Variants in CDC123 observed in about 807,000 individuals in gnomAD.
CDC123 encodes the protein cell division cycle 123.
In CDC123, 37 loss-of-function variants were observed where a neutral mutation model predicts 54.4. The ratio of observed to expected loss-of-function variants is 0.68; its 90% CI spans 0.52 to 0.89. The LOEUF (loss-of-function observed/expected upper bound fraction) is 0.89. Among genes scored for constraint, CDC123 ranks in the 40% least tolerant of loss-of-function variants. The pLI, the probability that CDC123 is intolerant of heterozygous loss-of-function variation, is 0.00. For missense variants in CDC123, 361 were observed against 412.1 expected, an observed-to-expected ratio of 0.88 and a Z score of 1.07; for synonymous variants, 144 against 136.8, an observed-to-expected ratio of 1.05 and a Z score of -0.37.
intron 2 of CDC123, among the ~76,000 whole-genome samples, chr10:12,205,166 C>A (rs890383828): frequency 1.3e-5 from 2 of 152,012 alleles, no homozygotes; most frequent in Non-Finnish European, 1.5e-5. Context: ...TAAGTGAAAA[C>A]GTGGTGTTTG....
At chr10:12,247,717 C>G (rs578186813) in intron 11 of CDC123, 1 of 152,390 alleles carries the variant, frequency 6.6e-6, no homozygotes, top group Admixed American at 6.5e-5. Context: ...GCCAGACTTT[C>G]CTGAAACAAC....
intron 6 of CDC123, 86 bp downstream of exon 6, chr10:12,217,553 A>G (rs1169630342): frequency 4.5e-6 from 6 of 1,333,934 alleles, no homozygotes; most frequent in Non-Finnish European, 6.1e-6. Context: ...TTATAGTACT[A>G]TTATAAATCA....
intron 6 of CDC123, among the ~76,000 whole-genome samples, chr10:12,229,214 G>C (rs924401260): frequency 6.6e-6 from 1 of 152,224 alleles, no homozygotes; most frequent in African/African-American, 2.4e-5. Flanking sequence ...TAGTGATATA[G>C]ATGCGTTTTT....
rs1380687691 is a variant in CDC123, at chr10:12,249,631, C to G, written c.897C>G (p.Ser299Arg). ...CTNSEVTVQP[S>R]PYLSYRLPKD... Reference sequence around the variant, plus strand: ...ACAGTGAAGTGACAGTCCAGCCCAGCCCCTATTTGAGTTACCGGCTACCCA... The same window carrying G: ...ACAGTGAAGTGACAGTCCAGCCCAGGCCCTATTTGAGTTACCGGCTACCCA... The change falls in exon 12 of 13, where the codon AGC becomes AGG. Residue 299 changes from serine to arginine, a missense_variant. Ser to Arg is a moderately radical substitution (Grantham distance 110). Transcript: ENST00000281141. 6.2e-7 allele frequency: 1 copy of G among 1,614,182 alleles called. No individual in the cohort carries two copies. Among genetic ancestry groups the G allele is most frequent in the Admixed American group, 1.7e-5 (1 of 60,010 alleles).
At chr10:12,210,154 A>G in intron 3 of CDC123, 130 bp downstream of exon 3, 3 of 1,439,146 alleles carry the variant, frequency 2.1e-6, no homozygotes, top group African/African-American at 1.4e-5. Flanking sequence ...TTACTTTGAC[A>G]TATATTTTCA....
chr10:12,203,934 A>G (rs1399976882), intron 2 of CDC123, among the ~76,000 whole-genome samples: 1 of 151,978 alleles, frequency 6.6e-6, no homozygotes, highest in East Asian at 1.9e-4. Flanking sequence ...CTCTACAAAA[A>G]AATAAGAAAT....
At chr10:12,226,212 C>A (rs1331018353) in intron 6 of CDC123, among the ~76,000 whole-genome samples, 1 of 151,812 alleles carries the variant, frequency 6.6e-6, no homozygotes, top group East Asian at 1.9e-4. Context: ...CCCCACACTT[C>A]CCCCCCTTCC....
chr10:12,215,062 G>T (rs1241685007), intron 4 of CDC123, among the ~76,000 whole-genome samples: 1 of 152,030 alleles, frequency 6.6e-6, no homozygotes, highest in Non-Finnish European at 1.5e-5. Context: ...TTAAGTTCCT[G>T]TTTAACAGCA....
rs540860857 is a variant in CDC123, at chr10:12,204,763, G to A, written c.147-5204G>A. Among the ~76,000 whole-genome samples, 4 of 152,128 alleles carry A rather than the reference G, an allele frequency of 2.6e-5. No individual in the cohort carries two copies. In the East Asian group the frequency reaches 7.7e-4, roughly 29 times the overall value. ...TTCCAGCACTTTTGGAGGCTCAGGT[G>A]GGCAGATCACCTGAGGTCAGGAGTT... is the stretch of plus-strand genomic sequence containing the variant. On this transcript the variant is annotated intron_variant, in intron 2 of 12. Transcript: ENST00000281141.
At chr10:12,232,826 C>T (rs1835919467) in intron 7 of CDC123, among the ~76,000 whole-genome samples, 1 of 151,890 alleles carries the variant, frequency 6.6e-6, no homozygotes, top group East Asian at 1.9e-4. Flanking sequence ...CTCTGTCACC[C>T]AGGCTGGAGT....
intron 2 of CDC123, among the ~76,000 whole-genome samples, chr10:12,206,851 C>T (rs561061687): frequency 6.7e-6 from 1 of 150,344 alleles, no homozygotes; most frequent in East Asian, 2.0e-4. Flanking sequence ...CCCAGCTACT[C>T]GGGAGGCTGA....
chr10:12,197,468 C>T (rs1835373993), intron 1 of CDC123, among the ~76,000 whole-genome samples: 2 of 142,972 alleles, frequency 1.4e-5, no homozygotes, highest in African/African-American at 5.2e-5. Context: ...GCTTCCCTTC[C>T]CGAGTTCACG....
chr10:12,246,491 T>C (rs954362459), intron 11 of CDC123: 5 of 457,490 alleles, frequency 1.1e-5, no homozygotes, highest in African/African-American at 9.9e-5. Flanking sequence ...ATCTGATCAG[T>C]TTTTTTAGTT....
At chr10:12,218,935 A>T (rs1158796089) in intron 6 of CDC123, among the ~76,000 whole-genome samples, 1 of 152,186 alleles carries the variant, frequency 6.6e-6, no homozygotes, top group African/African-American at 2.4e-5. Context: ...TTCCTGTTGC[A>T]TCTTAAACAG....
At position 12,230,026 on chromosome 10, in the gene CDC123, C is replaced by A. The variant is rs139795710; in HGVS notation, c.441-922C>A. On this transcript the variant is annotated intron_variant, in intron 6 of 12. Transcript: ENST00000281141. ...GACAGTTTGAGTCTTGTTGTGGCCA[C>A]TAAATTTGGTCTTTTCTGGGTGTTA... Among the ~76,000 whole-genome samples, 765 of 152,226 alleles carry A rather than the reference C, an allele frequency of 5.0e-3. 8 individuals carry two copies. The highest frequency in any genetic ancestry group is 5.4e-3 in the Non-Finnish European group (365 of 68,024).
In CDC123 at chr10:12,217,452, G is replaced by A. The variant is rs752610319; in HGVS notation, c.425G>A (p.Arg142His). 1.4e-5 allele frequency: 23 copies of A among 1,613,668 alleles called. No homozygotes were observed. The highest frequency in any genetic ancestry group is 1.5e-5 in the Non-Finnish European group (18 of 1,179,822). The change falls in exon 6 of 13, where the codon CGT becomes CAT. Residue 142 changes from arginine to histidine, a missense_variant. Arg to His is a conservative substitution (Grantham distance 29). Coordinates refer to ENST00000281141, the MANE Select transcript of CDC123 (RefSeq NM_006023.3). ...TTCAAGAGTTCCGATTTCATCACTC[G>A]TGACTTCACTCAGCCGTAAGTATCT... Reference protein sequence around the residue: ...LLFKSSDFITRDFTQPFIHCT... With the variant: ...LLFKSSDFITHDFTQPFIHCT...
At position 12,230,096 on chromosome 10, in the gene CDC123, A is replaced by G. The variant is rs999344230; in HGVS notation, c.441-852A>G. Reference sequence around the variant, plus strand: ...GAAAAATGGACATTATGCTATCTCTATGGTTATAATAGCCCATAACATTGT... The same window carrying G: ...GAAAAATGGACATTATGCTATCTCTGTGGTTATAATAGCCCATAACATTGT... On this transcript the variant is annotated intron_variant, in intron 6 of 12. Coordinates refer to ENST00000281141, the MANE Select transcript of CDC123 (RefSeq NM_006023.3). Among the ~76,000 whole-genome samples, 5 of 152,148 alleles carry G rather than the reference A, an allele frequency of 3.3e-5. No individual in the cohort carries two copies. The South Asian group carries it at 8.3e-4, about 25-fold the overall frequency.
chr10:12,208,146 A>G (rs547059815), intron 2 of CDC123, among the ~76,000 whole-genome samples: 1 of 152,306 alleles, frequency 6.6e-6, no homozygotes, highest in South Asian at 2.1e-4. Context: ...ATAAAAGCAC[A>G]TGTTTAACCA....
At chr10:12,196,598 T>C (rs1229229043) in intron 1 of CDC123, among the ~76,000 whole-genome samples, 1 of 152,156 alleles carries the variant, frequency 6.6e-6, no homozygotes, top group Admixed American at 6.5e-5. Context: ...ACTTTTAGAA[T>C]GGCCCCAGGC....
Sources: allele counts gnomAD v4.1 joint callset (sites outside exome capture counted in the v4.1 genomes callset), GRCh38; gene constraint gnomAD v4.1.1; transcripts MANE v1.5; gene names NCBI Gene and HGNC (gene_info 2026-07-23, HGNC 2026-07-21).